Variants in PCNX2 observed in about 807,000 individuals in gnomAD.
PCNX2 encodes the protein pecanex 2, also known as pecanex-like protein 2.
A neutral mutation model predicts 223.8 loss-of-function variants in PCNX2; 168 were observed. The observed-to-expected ratio is 0.75, with a 90% CI of 0.66 to 0.85. The LOEUF (loss-of-function observed/expected upper bound fraction) is 0.85, where lower values mean the gene tolerates loss of function less well. Ranked by LOEUF, PCNX2 falls within the 40% of genes least tolerant of loss-of-function variation. The pLI is 0.00. For missense variants in PCNX2, 2,507 were observed against 2,675.5 expected (o/e 0.94, Z 1.39); for synonymous variants, 1,006 against 1,052.6 (o/e 0.96, Z 0.86).
At chr1:232,988,192 A>G (rs547051798) in intron 32 of PCNX2, among the ~76,000 whole-genome samples, 32 of 152,302 alleles carry the variant, frequency 2.1e-4, no homozygotes, top group Admixed American at 1.3e-3. Context: ...TGTGATTTCT[A>G]TCGTAAAGCT....
chr1:233,202,312 T>G, intron 13 of PCNX2: 1 of 373,700 alleles, frequency 2.7e-6, no homozygotes, highest in Non-Finnish European at 5.5e-6. Context: ...CTCTCACTTC[T>G]TCCTAACTTC....
In PCNX2 at chr1:233,192,480, C is replaced by T. The variant is rs564002604; in HGVS notation, c.3066+6459G>A. On this transcript the variant is annotated intron_variant, in intron 15 of 33. Transcript: ENST00000258229. Reference sequence around the variant, plus strand: ...AACAGGTCTATGAACTGAACAGAGACGATGCTAGGTTATCAAAGACATATT... The same window carrying T: ...AACAGGTCTATGAACTGAACAGAGATGATGCTAGGTTATCAAAGACATATT... Among the ~76,000 whole-genome samples the T allele has an allele frequency of 5.9e-5, 9 of 152,120 alleles. 1 individual carries two copies. The East Asian group carries it at 7.7e-4, about 13-fold the overall frequency.
chr1:233,295,299 C>G lies in PCNX2; in HGVS notation c.153+27G>C. 1 of 1,568,454 alleles carries G rather than the reference C, an allele frequency of 6.4e-7. No individual in the cohort carries two copies. On this transcript the variant is annotated intron_variant, in intron 1 of 33. Transcript: ENST00000258229. The surrounding 1 kb of genome is among the most constrained non-coding windows in gnomAD (Gnocchi z 4.1). ...CCTTCTTCCCTCCATACCCACAGCT[C>G]CCCGGGACCGGACCCTCCCCACTCA... is the stretch of plus-strand genomic sequence containing the variant.
At chr1:233,184,673 T>G (rs1350301953) in intron 15 of PCNX2, among the ~76,000 whole-genome samples, 2 of 152,142 alleles carry the variant, frequency 1.3e-5, no homozygotes, top group Non-Finnish European at 2.9e-5. Context: ...AAGTCTGTAT[T>G]CATTCTTCCA....
At chr1:233,101,797 G>A (rs1037907091) in intron 21 of PCNX2, among the ~76,000 whole-genome samples, 5 of 152,266 alleles carry the variant, frequency 3.3e-5, no homozygotes, top group Non-Finnish European at 4.4e-5. Flanking sequence ...GAGGAATTGG[G>A]TTTTAGCATA....
intron 21 of PCNX2, among the ~76,000 whole-genome samples, chr1:233,103,794 A>G (rs1277388873): frequency 3.3e-5 from 5 of 152,310 alleles, no homozygotes; most frequent in Admixed American, 2.6e-4. Flanking sequence ...TTGGGGGCAT[A>G]CAGCCAGCAG....
intron 21 of PCNX2, among the ~76,000 whole-genome samples, chr1:233,096,750 A>T (rs767735186): frequency 4.4e-4 from 67 of 152,320 alleles, no homozygotes; most frequent in Non-Finnish European, 8.4e-4. Context: ...GAGAAGAAAA[A>T]ATATAATTTT....
At chr1:233,230,824 T>C (rs1418329076) in intron 9 of PCNX2, among the ~76,000 whole-genome samples, 1 of 152,220 alleles carries the variant, frequency 6.6e-6, no homozygotes, top group Non-Finnish European at 1.5e-5. Flanking sequence ...CAGTATATTC[T>C]TCTTAAGAAG....
intron 8 of PCNX2, among the ~76,000 whole-genome samples, chr1:233,244,889 C>T (rs986675929): frequency 3.3e-5 from 5 of 152,222 alleles, no homozygotes; most frequent in Admixed American, 1.3e-4. Flanking sequence ...ATTGATCTGG[C>T]AAACTGCTAG....
intron 21 of PCNX2, among the ~76,000 whole-genome samples, chr1:233,111,502 AGGTTC>A (rs1467380632): frequency 3.3e-5 from 5 of 152,062 alleles, no homozygotes; most frequent in African/African-American, 1.2e-4. Flanking sequence ...TCAACCTCCC[AGGTTC>A]AAGCGATCAT....
chr1:233,235,957 AATAT>A (rs1553319644), intron 9 of PCNX2, among the ~76,000 whole-genome samples: 15 of 93,106 alleles, frequency 1.6e-4, no homozygotes, highest in African/African-American at 4.7e-4. Context: ...CATAAAAAAA[AATAT>A]ATATATATAT....
At chr1:232,988,078 C>A (rs1386859020) in intron 32 of PCNX2, among the ~76,000 whole-genome samples, 2 of 152,112 alleles carry the variant, frequency 1.3e-5, no homozygotes, top group Non-Finnish European at 2.9e-5. Context: ...ATTCCTCTTA[C>A]AGAGAAAAAG....
chr1:233,235,408 C>G (rs1184124576), intron 9 of PCNX2, among the ~76,000 whole-genome samples: 1 of 152,070 alleles, frequency 6.6e-6, no homozygotes, highest in Non-Finnish European at 1.5e-5. Context: ...ACTTCAGCTT[C>G]CCAAAGTGTT....
At chr1:232,989,401 C>T (rs1669614602) in intron 32 of PCNX2, among the ~76,000 whole-genome samples, 1 of 152,028 alleles carries the variant, frequency 6.6e-6, no homozygotes, top group South Asian at 2.1e-4. Flanking sequence ...TTGCAGTGAG[C>T]CGAGATAGCG....
chr1:233,324,964 C>T, the PCNX2 span, among the ~76,000 whole-genome samples: 1 of 152,162 alleles, frequency 6.6e-6, no homozygotes, highest in Non-Finnish European at 1.5e-5. Context: ...AATATTACTA[C>T]TCATTGACAA....
At chr1:233,135,242 G>A in intron 20 of PCNX2, 52 bp from the exon 21 acceptor site, 1 of 1,508,188 alleles carries the variant, frequency 6.6e-7, no homozygotes, top group Non-Finnish European at 9.0e-7. Flanking sequence ...CACACTGCTG[G>A]ATGAGTTTCA....
rs545409801 is a variant in PCNX2, at chr1:233,089,964, A to G, written c.4076+97T>C. 25 of 1,563,980 alleles carry G rather than the reference A, an allele frequency of 1.6e-5. No individual in the cohort carries two copies. The South Asian group carries it at 2.6e-4, about 16-fold the overall frequency. ...TTGGCCTGGCCCCACAGCAGGGGGAAGCCTGGAGCCAGGGACCTCCTAACA... is the reference window on the plus strand; with the variant it reads ...TTGGCCTGGCCCCACAGCAGGGGGAGGCCTGGAGCCAGGGACCTCCTAACA... On this transcript the variant is annotated intron_variant, in intron 23 of 33. Coordinates refer to ENST00000258229, the MANE Select transcript of PCNX2 (RefSeq NM_014801.4).
chr1:233,326,870 C>T, the PCNX2 span, among the ~76,000 whole-genome samples: 1 of 152,290 alleles, frequency 6.6e-6, no homozygotes, highest in Non-Finnish European at 1.5e-5. Flanking sequence ...TAAACCCAAA[C>T]CTGTGGGTTT....
At chr1:233,214,882 G>A (rs1682029218) in intron 12 of PCNX2, among the ~76,000 whole-genome samples, 1 of 152,064 alleles carries the variant, frequency 6.6e-6, no homozygotes, top group South Asian at 2.1e-4. Context: ...GAAATACACA[G>A]TGTTATGCAA....
Sources: gnomAD v4.1 joint callset for allele counts (sites outside exome capture counted in the v4.1 genomes callset) on GRCh38, gnomAD v4.1.1 for gene constraint, Gnocchi (gnomAD v3.1) non-coding constraint, MANE v1.5 for transcripts, NCBI Gene and HGNC (gene_info 2026-07-23, HGNC 2026-07-21) for gene names.